The following NEGR1 variants were observed in gnomAD, a reference collection of about 807,000 sequenced individuals.
NEGR1 encodes the protein IgLON family member 4.
NEGR1 carries 10 observed loss-of-function variants against 40.9 expected under a neutral mutation model. The observed-to-expected ratio is 0.24, with a 90% CI of 0.15 to 0.42. The LOEUF (loss-of-function observed/expected upper bound fraction) is 0.42, where lower values mean the gene tolerates loss of function less well. NEGR1 is among the 10% of genes least tolerant of loss of function. NEGR1 has a pLI of 1.00. For synonymous variants in NEGR1, 185 were observed against 166.8 expected (o/e 1.11, Z -0.84); for missense variants, 352 against 438.9 (o/e 0.80, Z 1.77).
At chr1:72,106,232 T>C (rs557044934) in intron 1 of NEGR1, among the ~76,000 whole-genome samples, 15 of 152,074 alleles carry the variant, frequency 9.9e-5, no homozygotes, top group Non-Finnish European at 1.8e-4. Flanking sequence ...ACAAAAGGAT[T>C]GGGAGCTTGG....
At chr1:72,282,275 AAGAT>A (rs751932575) in intron 1 of NEGR1, 40 bp downstream of exon 1, 195 of 1,607,884 alleles carry the variant, frequency 1.2e-4, no homozygotes, top group Non-Finnish European at 1.4e-4. Context: ...GAGAGACAGA[AAGAT>A]AGACCGAAAC....
intron 1 of NEGR1, among the ~76,000 whole-genome samples, chr1:71,970,874 T>C (rs906666307): frequency 6.6e-6 from 1 of 152,202 alleles, no homozygotes; most frequent in Admixed American, 6.5e-5. Context: ...AGTATGTTTG[T>C]GTTTGAAGAG....
chr1:72,040,072 T>C (rs982765666), intron 1 of NEGR1, among the ~76,000 whole-genome samples: 2 of 152,004 alleles, frequency 1.3e-5, no homozygotes, highest in Non-Finnish European at 2.9e-5. Context: ...TCAATAATTA[T>C]CCTTCCTGAA....
intron 1 of NEGR1, among the ~76,000 whole-genome samples, chr1:72,016,900 A>C (rs935451296): frequency 5.9e-5 from 9 of 152,138 alleles, no homozygotes; most frequent in African/African-American, 2.2e-4. Context: ...TATTCATCTG[A>C]ATTTATTTAG....
At chr1:71,755,066 A>G (rs1156752854) in intron 3 of NEGR1, among the ~76,000 whole-genome samples, 2 of 152,226 alleles carry the variant, frequency 1.3e-5, no homozygotes, top group Non-Finnish European at 2.9e-5. Flanking sequence ...TGAGTGTCTA[A>G]CATGCCTTAC....
intron 1 of NEGR1, among the ~76,000 whole-genome samples, chr1:72,168,258 C>T (rs904854930): frequency 2.0e-5 from 3 of 152,034 alleles, no homozygotes; most frequent in African/African-American, 7.2e-5. Context: ...CCAGCCTCAG[C>T]CTCCCAAAGT....
chr1:71,502,274 T>C (rs1647004728), intron 6 of NEGR1, among the ~76,000 whole-genome samples: 1 of 151,990 alleles, frequency 6.6e-6, no homozygotes. Context: ...GGGACCTGGG[T>C]ATAACCTTAT....
chr1:71,984,357 G>C (rs138353451), intron 1 of NEGR1, among the ~76,000 whole-genome samples: 2 of 152,128 alleles, frequency 1.3e-5, no homozygotes, highest in African/African-American at 4.8e-5. Context: ...CGAACTCCTG[G>C]TATCAAGTGA....
intron 1 of NEGR1, among the ~76,000 whole-genome samples, chr1:72,129,677 G>T (rs981588534): frequency 6.6e-6 from 1 of 152,092 alleles, no homozygotes; most frequent in African/African-American, 2.4e-5. Context: ...TGTATTTGGG[G>T]TTAATTCCAA....
chr1:71,544,850 T>C (rs1382384068), intron 6 of NEGR1, among the ~76,000 whole-genome samples: 2 of 151,668 alleles, frequency 1.3e-5, no homozygotes, highest in Non-Finnish European at 3.0e-5. Flanking sequence ...CTTGGAAATC[T>C]ACCCTGGTTC....
At chr1:71,876,912 A>T (rs1357916375) in intron 2 of NEGR1, among the ~76,000 whole-genome samples, 1 of 152,104 alleles carries the variant, frequency 6.6e-6, no homozygotes, top group Non-Finnish European at 1.5e-5. Flanking sequence ...TTCCCATGCT[A>T]CCTGAATTTT....
chr1:71,836,722 C>T (rs1389626446), intron 2 of NEGR1, among the ~76,000 whole-genome samples: 1 of 152,042 alleles, frequency 6.6e-6, no homozygotes, highest in Non-Finnish European at 1.5e-5. Context: ...TGCAGTACTC[C>T]TTGCTATTGT....
chr1:71,947,497 T>C (rs1040551901), intron 1 of NEGR1, among the ~76,000 whole-genome samples: 1 of 152,188 alleles, frequency 6.6e-6, no homozygotes, highest in African/African-American at 2.4e-5. Context: ...TTCCTAATGC[T>C]TTATCAGTTG....
intron 1 of NEGR1, among the ~76,000 whole-genome samples, chr1:72,198,493 GA>G (rs199637362): frequency 5.3e-5 from 8 of 151,072 alleles, no homozygotes; most frequent in Admixed American, 4.6e-4. Context: ...GTAATGTGTG[GA>G]AAAAAAAATT....
intron 1 of NEGR1, among the ~76,000 whole-genome samples, chr1:72,054,949 C>G (rs758296295): frequency 6.6e-6 from 1 of 151,050 alleles, no homozygotes; most frequent in Non-Finnish European, 1.5e-5. Context: ...ATTTCATGTG[C>G]AAGCGCATTC....
At chr1:71,582,746 G>T (rs1570063418) in intron 6 of NEGR1, among the ~76,000 whole-genome samples, 2 of 152,256 alleles carry the variant, frequency 1.3e-5, no homozygotes, top group South Asian at 4.1e-4. Context: ...AAATCTTTCT[G>T]CAAATTTCAA....
At chr1:71,666,253 T>C (rs1652238080) in intron 4 of NEGR1, among the ~76,000 whole-genome samples, 1 of 152,196 alleles carries the variant, frequency 6.6e-6, no homozygotes, top group Non-Finnish European at 1.5e-5. Context: ...ATAGTTAAAA[T>C]GCTTTTTTAG....
intron 3 of NEGR1, among the ~76,000 whole-genome samples, chr1:71,752,426 G>A (rs1655600534): frequency 1.3e-5 from 2 of 152,120 alleles, no homozygotes; most frequent in South Asian, 4.2e-4. Flanking sequence ...CTGATCTAGA[G>A]GAAACACACA....
At chr1:71,693,104 T>C (rs947574710) in intron 4 of NEGR1, among the ~76,000 whole-genome samples, 1 of 151,766 alleles carries the variant, frequency 6.6e-6, no homozygotes, top group Non-Finnish European at 1.5e-5. Context: ...AATGTTTTAA[T>C]ATCTCTGCAT....
Sources: gnomAD v4.1 joint callset for allele counts (sites outside exome capture counted in the v4.1 genomes callset) on GRCh38, gnomAD v4.1.1 for gene constraint, MANE v1.5 for transcripts, NCBI Gene and HGNC (gene_info 2026-07-23, HGNC 2026-07-21) for gene names.